Variants in NEMF observed in about 807,000 individuals in gnomAD.
NEMF encodes ribosome quality control complex subunit NEMF.
NEMF carries 89 observed loss-of-function variants against 162.2 expected under a neutral mutation model. The ratio of observed to expected loss-of-function variants is 0.55; its 90% confidence interval spans 0.46 to 0.65. The LOEUF is 0.65. Among genes scored for constraint, NEMF ranks in the 30% least tolerant of loss-of-function variants. The pLI is 0.00. For synonymous variants in NEMF, 421 were observed against 404.5 expected (o/e 1.04, Z -0.49); for missense variants, 1,133 against 1,261.9 (o/e 0.90, Z 1.55).
intron 6 of NEMF, among the ~76,000 whole-genome samples, chr14:49,834,970 A>G (rs1203613501): frequency 1.3e-5 from 2 of 152,156 alleles, no homozygotes; most frequent in African/African-American, 4.8e-5. Context: ...AGGCCAAGGC[A>G]GGCAGATCAC....
rs1186136913 is a variant in NEMF at position 49,782,553 on chromosome 14, T to C, written c.*2083A>G. On this transcript the variant is annotated 3_prime_UTR_variant, in exon 33 of 33. Coordinates refer to ENST00000298310, the MANE Select transcript of NEMF (RefSeq NM_004713.6). ...TATTTATTTTTCAGGCACACAGTAA[T>C]GAAATACTAATATTTTCAGTTCAAC... is the stretch of plus-strand genomic sequence containing the variant. 1.2e-6 allele frequency: 2 copies of C among 1,607,774 alleles called. No individual in the cohort carries two copies. The highest frequency in any genetic ancestry group is 4.5e-5 in the East Asian group (2 of 44,838).
chr14:49,832,183 A>G lies in NEMF; in HGVS notation c.806+24T>C, dbSNP rs199717940. On this transcript the variant is annotated intron_variant, in intron 9 of 32. Coordinates refer to ENST00000298310, the MANE Select transcript of NEMF (RefSeq NM_004713.6). Reference sequence around the variant, plus strand: ...GAACATTAACAAACATCCAAAGCAAATTGACCCATGCCTATATGCTTACGT... The same window carrying G: ...GAACATTAACAAACATCCAAAGCAAGTTGACCCATGCCTATATGCTTACGT... 4 of 1,601,048 alleles carry G rather than the reference A, an allele frequency of 2.5e-6. No homozygotes were observed. The African/African-American group carries it at 5.4e-5, about 22-fold the overall frequency.
intron 22 of NEMF, among the ~76,000 whole-genome samples, chr14:49,801,988 G>C (rs1890977021): frequency 6.7e-6 from 1 of 148,184 alleles, no homozygotes; most frequent in African/African-American, 2.5e-5. Flanking sequence ...GTCTCATTCT[G>C]TGGCCCAGGC....
At chr14:49,849,377 C>G (rs1187708692) in intron 3 of NEMF, among the ~76,000 whole-genome samples, 1 of 152,222 alleles carries the variant, frequency 6.6e-6, no homozygotes, top group Non-Finnish European at 1.5e-5. Flanking sequence ...TCCCTATCAA[C>G]AGCTTGGTGA....
At chr14:49,800,849 A>G (rs1890920812) in intron 22 of NEMF, 153 bp from the exon 23 acceptor site, 1 of 654,816 alleles carries the variant, frequency 1.5e-6, no homozygotes, top group Non-Finnish European at 2.6e-6. Flanking sequence ...GTACTCTTAG[A>G]CAAAAGAATA....
chr14:49,848,595 G>C (rs1205126514), intron 3 of NEMF, among the ~76,000 whole-genome samples: 1 of 152,134 alleles, frequency 6.6e-6, no homozygotes. Context: ...CCAGCACTCT[G>C]GGAGGCCGAG....
chr14:49,807,209 T>C (rs1481987116), intron 18 of NEMF, among the ~76,000 whole-genome samples: 1 of 152,252 alleles, frequency 6.6e-6, no homozygotes, highest in Non-Finnish European at 1.5e-5. Context: ...TAAAAGCACA[T>C]ATAAGTACTT....
Position 49,803,363 on chromosome 14 carries a change from G to A in NEMF, c.1858-69C>T, listed in dbSNP as rs75615838. 1.8e-3 allele frequency: 2,083 copies of A among 1,136,966 alleles called. 46 individuals are homozygous for A. In the East Asian group the frequency reaches 0.04, roughly 22 times the overall value. The allele number at this position is 1,136,966 out of a possible 1,614,324, so 70.4% of individuals were successfully genotyped here. A position where few individuals can be genotyped will look rare whatever the true frequency, so the allele number is the denominator to read the frequency against. ...CTCTAGTTTTCTTTTTCCACTTGAG[G>A]AGAAAGTAAAGTCAGAGTCAAGTAA... On this transcript the variant is annotated intron_variant, in intron 19 of 32. Coordinates refer to ENST00000298310, the MANE Select transcript of NEMF (RefSeq NM_004713.6).
chr14:49,846,328 G>C, intron 3 of NEMF, 63 bp from the exon 4 acceptor site: 1 of 1,477,674 alleles, frequency 6.8e-7, no homozygotes, highest in Non-Finnish European at 9.3e-7. Context: ...TTTGGTATTG[G>C]TTTATAAATA....
chr14:49,807,867 G>T (rs1467865797), intron 18 of NEMF, among the ~76,000 whole-genome samples: 1 of 152,094 alleles, frequency 6.6e-6, no homozygotes, highest in Admixed American at 6.5e-5. Flanking sequence ...GCCTCCCAAA[G>T]TGCTGGGATT....
rs1340477818 is a variant in NEMF at position 49,834,667 on chromosome 14, G to C, written c.575-218C>G. Among the ~76,000 whole-genome samples the C allele has an allele frequency of 2.0e-5, 3 of 152,092 alleles. No individual in the cohort carries two copies. The East Asian group carries it at 5.8e-4, about 29-fold the overall frequency. Reference sequence around the variant, plus strand: ...CCAGCTAATTTTTGTATTTTTAGTAGGGACAAGGTTTCACCATGTTGTCCA... The same window carrying C: ...CCAGCTAATTTTTGTATTTTTAGTACGGACAAGGTTTCACCATGTTGTCCA... On this transcript the variant is annotated intron_variant, in intron 6 of 32. Coordinates refer to ENST00000298310, the MANE Select transcript of NEMF (RefSeq NM_004713.6).
chr14:49,826,457 T>A (rs1465757432), intron 15 of NEMF, among the ~76,000 whole-genome samples: 1 of 147,862 alleles, frequency 6.8e-6, no homozygotes. Flanking sequence ...AAAGAAGGTA[T>A]CTCTGAGGAA....
chr14:49,802,545 T>C lies in NEMF; in HGVS notation c.2003A>G (p.Gln668Arg), dbSNP rs375152000. The change falls in exon 22 of 33, where the codon CAG becomes CGG. Residue 668 changes from glutamine (Q) to arginine (R), a missense_variant. Gln to Arg is a conservative substitution (Grantham distance 43). This residue lies in a region of NEMF where 532 missense variants were observed against 578.6 expected (regional missense o/e 0.92). Transcript: ENST00000298310. ...KVDESCVWRH[Q>R]GERKVRVQDE... Reference sequence around the variant, plus strand: ...CTGTACTCTGACTTTTCGTTCACCCTGATGTCTCCAAACACAAGACTCATC... The same window carrying C: ...CTGTACTCTGACTTTTCGTTCACCCCGATGTCTCCAAACACAAGACTCATC... The C allele has an allele frequency of 2.5e-6, 4 of 1,614,088 alleles. No homozygotes were observed. Among genetic ancestry groups the C allele is most frequent in the South Asian group, 1.1e-5 (1 of 91,084 alleles).
intron 11 of NEMF, among the ~76,000 whole-genome samples, chr14:49,830,271 T>C (rs1892572111): frequency 6.6e-6 from 1 of 152,230 alleles, no homozygotes; most frequent in African/African-American, 2.4e-5. Flanking sequence ...GCCAAAGTGC[T>C]GCCACCATGT....
At chr14:49,818,009 A>G (rs1022746038) in intron 16 of NEMF, among the ~76,000 whole-genome samples, 1 of 152,228 alleles carries the variant, frequency 6.6e-6, no homozygotes, top group Non-Finnish European at 1.5e-5. Context: ...AGAGATGTCA[A>G]ACAAAACAGA....
At chr14:49,788,830 TACAGGC>T (rs1890308776) in intron 28 of NEMF, among the ~76,000 whole-genome samples, 1 of 152,146 alleles carries the variant, frequency 6.6e-6, no homozygotes. Flanking sequence ...GTGCTGGGAT[TACAGGC>T]GTGAGCCACC....
intron 26 of NEMF, among the ~76,000 whole-genome samples, chr14:49,793,100 G>T (rs143071398): frequency 6.6e-6 from 1 of 151,990 alleles, no homozygotes; most frequent in African/African-American, 2.4e-5. Flanking sequence ...GAAACATCCC[G>T]CAATGATAAA....
Position 49,852,650 on chromosome 14 carries a change from C to T in NEMF, c.59+45G>A, listed in dbSNP as rs772893189. On this transcript the variant is annotated intron_variant, in intron 1 of 32. Coordinates refer to ENST00000298310, the MANE Select transcript of NEMF (RefSeq NM_004713.6). Reference sequence around the variant, plus strand: ...TTGCGCCATGGGACTCCGGCCTCTGCCTCCTGCACTCCCCACACGAGCCTC... The same window carrying T: ...TTGCGCCATGGGACTCCGGCCTCTGTCTCCTGCACTCCCCACACGAGCCTC... The T allele has an allele frequency of 1.9e-6, 3 of 1,603,732 alleles. No individual in the cohort carries two copies. In the Admixed American group the frequency reaches 5.0e-5, roughly 27 times the overall value.
intron 18 of NEMF, among the ~76,000 whole-genome samples, chr14:49,809,316 C>A (rs917629339): frequency 1.3e-5 from 2 of 151,994 alleles, no homozygotes; most frequent in Non-Finnish European, 2.9e-5. Context: ...ATCCAGACAA[C>A]TGAATATTAT....
Sources: allele counts gnomAD v4.1 joint callset (sites outside exome capture counted in the v4.1 genomes callset), GRCh38; gene constraint gnomAD v4.1.1; regional missense constraint gnomAD v4.1.1; transcripts MANE v1.5; gene names NCBI Gene and HGNC (gene_info 2026-07-23, HGNC 2026-07-21).